EYA2: variants seen among roughly 807,000 people sequenced by gnomAD.
EYA2 encodes EYA transcriptional coactivator and phosphatase 2.
EYA2 carries 31 observed loss-of-function variants against 69.2 expected under a neutral mutation model. The ratio of observed to expected loss-of-function variants is 0.45; its 90% CI spans 0.34 to 0.60. EYA2 has a LOEUF of 0.60. Ranked by LOEUF, EYA2 falls within the 20% of genes least tolerant of loss-of-function variation. The probability of loss-of-function intolerance (pLI) is 0.02; values close to 1 mark genes in which losing one functional copy is unlikely to be tolerated. For synonymous variants in EYA2, 257 were observed against 279.4 expected, an observed-to-expected ratio of 0.92 and a Z score of 0.80; for missense variants, 622 against 701.2, an observed-to-expected ratio of 0.89 and a Z score of 1.28.
intron 1 of EYA2, among the ~76,000 whole-genome samples, chr20:46,937,945 T>A (rs963349356): frequency 6.6e-6 from 1 of 152,216 alleles, no homozygotes; most frequent in Non-Finnish European, 1.5e-5. Context: ...AGCCAGGCCC[T>A]GATTTAAGAG....
At chr20:46,981,585 C>A (rs1298309712) in intron 1 of EYA2, among the ~76,000 whole-genome samples, 2 of 152,152 alleles carry the variant, frequency 1.3e-5, no homozygotes, top group Non-Finnish European at 2.9e-5. Flanking sequence ...AATTCTAGGT[C>A]TAACAGAGCC....
chr20:47,001,608 G>C, intron 3 of EYA2, 135 bp downstream of exon 3: 1 of 914,872 alleles, frequency 1.1e-6, no homozygotes. Context: ...CTAGCTGAGT[G>C]AGCTTGAGCA....
chr20:46,973,066 A>G (rs1433155883), intron 1 of EYA2, among the ~76,000 whole-genome samples: 1 of 152,152 alleles, frequency 6.6e-6, no homozygotes, highest in Admixed American at 6.5e-5. Flanking sequence ...CCTGAACACA[A>G]GGGCCCTCGT....
At chr20:47,056,842 C>A (rs573528161) in intron 5 of EYA2, among the ~76,000 whole-genome samples, 1 of 151,960 alleles carries the variant, frequency 6.6e-6, no homozygotes, top group East Asian at 1.9e-4. Context: ...CCCAGAAGTT[C>A]GAGACCAGCC....
At chr20:46,933,246 G>C (rs944504370) in intron 1 of EYA2, among the ~76,000 whole-genome samples, 1 of 152,210 alleles carries the variant, frequency 6.6e-6, no homozygotes, top group Non-Finnish European at 1.5e-5. Context: ...TCCCTGCTGA[G>C]AACGTAGTAA....
At chr20:47,167,964 A>G (rs1404999851) in intron 10 of EYA2, among the ~76,000 whole-genome samples, 3 of 152,016 alleles carry the variant, frequency 2.0e-5, no homozygotes, top group Admixed American at 2.0e-4. Flanking sequence ...CCCCCTCTCC[A>G]GCTCGCAGCC....
intron 8 of EYA2, 117 bp downstream of exon 8, chr20:47,089,498 C>G (rs1170421242): frequency 8.2e-7 from 1 of 1,224,724 alleles, no homozygotes; most frequent in Non-Finnish European, 1.1e-6. Flanking sequence ...TCGTGTTTTA[C>G]AAAGCATGAG....
chr20:46,920,040 T>C (rs1398263468), intron 1 of EYA2, among the ~76,000 whole-genome samples: 1 of 152,186 alleles, frequency 6.6e-6, no homozygotes, highest in Non-Finnish European at 1.5e-5. Context: ...CCATCTTATA[T>C]GGGCACAGTT....
intron 2 of EYA2, among the ~76,000 whole-genome samples, chr20:46,994,948 T>A (rs1981921353): frequency 6.6e-6 from 1 of 151,928 alleles, no homozygotes; most frequent in African/African-American, 2.4e-5. Context: ...CGAACCAGGC[T>A]GGAGCGCAGT....
At chr20:47,071,146 A>C (rs1183704932) in intron 5 of EYA2, among the ~76,000 whole-genome samples, 1 of 152,124 alleles carries the variant, frequency 6.6e-6, no homozygotes, top group Non-Finnish European at 1.5e-5. Context: ...AGTAGCTGGG[A>C]TTACAGGCAC....
chr20:46,937,052 C>G (rs2146258258), intron 1 of EYA2, among the ~76,000 whole-genome samples: 1 of 152,210 alleles, frequency 6.6e-6, no homozygotes, highest in East Asian at 1.9e-4. Flanking sequence ...AAGCCTTGCC[C>G]TGTGAAGAAA....
chr20:47,132,953 G>T (rs1274019816), intron 9 of EYA2, among the ~76,000 whole-genome samples: 1 of 152,188 alleles, frequency 6.6e-6, no homozygotes, highest in Non-Finnish European at 1.5e-5. Flanking sequence ...ACTTGGGCTT[G>T]CTCAGCAGGC....
At chr20:47,028,956 A>T (rs1004778424) in intron 5 of EYA2, among the ~76,000 whole-genome samples, 2 of 152,248 alleles carry the variant, frequency 1.3e-5, no homozygotes, top group South Asian at 2.1e-4. Context: ...AAATGCCAGA[A>T]ATCTTTTATA....
chr20:46,940,762 G>A (rs1402305650), intron 1 of EYA2, among the ~76,000 whole-genome samples: 1 of 152,168 alleles, frequency 6.6e-6, no homozygotes, highest in East Asian at 1.9e-4. Context: ...TGGTGGCATC[G>A]GGGGCTATGG....
chr20:47,099,303 G>A (rs1297959509), intron 9 of EYA2, among the ~76,000 whole-genome samples: 2 of 152,222 alleles, frequency 1.3e-5, no homozygotes, highest in African/African-American at 2.4e-5. Context: ...CTAGCACTTC[G>A]GGAGGCCGAA....
chr20:47,004,878 CAAGAT>C (rs1206272000), intron 3 of EYA2, 59 bp from the exon 4 acceptor site: 5 of 1,611,672 alleles, frequency 3.1e-6, no homozygotes, highest in Non-Finnish European at 4.2e-6. Context: ...GTGTTGATAT[CAAGAT>C]AAGGAAGAAG....
intron 5 of EYA2, among the ~76,000 whole-genome samples, chr20:47,067,966 T>C (rs2031176426): frequency 6.6e-6 from 1 of 152,248 alleles, no homozygotes; most frequent in African/African-American, 2.4e-5. Context: ...CCGGCCTCCA[T>C]GGTTCCTGAT....
chr20:46,999,517 C>T (rs370184562), intron 2 of EYA2, among the ~76,000 whole-genome samples: 65 of 152,148 alleles, frequency 4.3e-4, no homozygotes, highest in African/African-American at 1.5e-3. Context: ...CGTGCATGCA[C>T]ACACAACACA....
intron 10 of EYA2, among the ~76,000 whole-genome samples, chr20:47,148,954 C>T (rs1471746220): frequency 1.3e-5 from 2 of 152,062 alleles, no homozygotes; most frequent in East Asian, 1.9e-4. Flanking sequence ...CTTCTGGGCT[C>T]GGATGCAGCC....
Sources: gnomAD v4.1 joint callset for allele counts (sites outside exome capture counted in the v4.1 genomes callset) on GRCh38, gnomAD v4.1.1 for gene constraint, MANE v1.5 for transcripts, NCBI Gene and HGNC (gene_info 2026-07-23, HGNC 2026-07-21) for gene names.